The following SAP130 variants were observed in gnomAD, a reference collection of about 807,000 sequenced individuals.
The protein encoded by SAP130 is histone deacetylase complex subunit SAP130.
A neutral mutation model predicts 103.2 loss-of-function variants in SAP130; 16 were observed. That is an observed-to-expected ratio of 0.16 (90% confidence interval 0.10 to 0.24). The LOEUF is 0.24. Among genes scored for constraint, SAP130 ranks in the 10% least tolerant of loss-of-function variants. The pLI is 1.00. For missense variants in SAP130, 990 were observed against 1,359.7 expected (o/e 0.73, Z 4.28); for synonymous variants, 477 against 497.0 (o/e 0.96, Z 0.53).
rs1193117057 is a variant in SAP130, at chr2:127,986,231, C to A, written c.1958+554G>T. ...TAAACTAAAAGAGCACTCTGTAACACATGCCCACTGGGGTTTCAGCTGTAA... is the reference window on the plus strand; with the variant it reads ...TAAACTAAAAGAGCACTCTGTAACAAATGCCCACTGGGGTTTCAGCTGTAA... On this transcript the variant is annotated intron_variant, in intron 14 of 20. Coordinates refer to ENST00000643581, the MANE Select transcript of SAP130 (RefSeq NM_001330301.2). The surrounding 1 kb of genome is among the most constrained non-coding windows in gnomAD (Gnocchi z 4.7). Among the ~76,000 whole-genome samples, 3 of 152,248 alleles carry A rather than the reference C, an allele frequency of 2.0e-5. No homozygotes were observed. Among genetic ancestry groups the A allele is most frequent in the Non-Finnish European group, 2.9e-5 (2 of 68,038 alleles).
At chr2:127,947,302 T>C (rs1002860224) in intron 18 of SAP130, among the ~76,000 whole-genome samples, 2 of 152,216 alleles carry the variant, frequency 1.3e-5, no homozygotes, top group African/African-American at 4.8e-5. Context: ...TACTTTGTTA[T>C]GGCAACCCTA....
chr2:127,942,545 A>G lies in SAP130; in HGVS notation c.2902-8T>C. ...ATCATGTTCTAGATTCGTCTGCAAC[A>G]CACAAAAGGGAGGGTATCATAAGCT... On this transcript the variant is annotated splice_region_variant and splice_polypyrimidine_tract_variant and intron_variant, in intron 19 of 20. Transcript: ENST00000643581. This position sits in a 1 kb window ranked among gnomAD's most constrained non-coding sequence, Gnocchi z 4.8. 6.6e-7 allele frequency: 1 copy of G among 1,509,850 alleles called. No individual in the cohort carries two copies. Among genetic ancestry groups the G allele is most frequent in the Non-Finnish European group, 9.2e-7 (1 of 1,085,064 alleles). The allele number at this position is 1,509,850 out of a possible 1,614,324, so 93.5% of individuals were successfully genotyped here. A position where few individuals can be genotyped will look rare whatever the true frequency, so the allele number is the denominator to read the frequency against.
intron 3 of SAP130, 26 bp downstream of exon 3, chr2:128,017,654 T>G: frequency 1.3e-6 from 2 of 1,579,804 alleles, no homozygotes; most frequent in Non-Finnish European, 1.7e-6. Context: ...TCTGGTTCAG[T>G]GTGAAGTTTT....
rs1351293951 is a variant in SAP130, at chr2:127,985,388, A to G, written c.1958+1397T>C. 3.3e-5 allele frequency among the ~76,000 whole-genome samples: 5 copies of G among 152,294 alleles called. No individual in the cohort carries two copies. In the East Asian group the frequency reaches 7.7e-4, roughly 24 times the overall value. Reference sequence around the variant, plus strand: ...GCATGGACCCTAGTCCCAGCAATTTAAGTTTGCACTTGCTTTAATCTTTTG... The same window carrying G: ...GCATGGACCCTAGTCCCAGCAATTTGAGTTTGCACTTGCTTTAATCTTTTG... On this transcript the variant is annotated intron_variant, in intron 14 of 20. Transcript: ENST00000643581.
At position 127,941,858 on chromosome 2, in the gene SAP130, G is replaced by T; in HGVS notation, c.*148C>A. 6 of 730,220 alleles carry T rather than the reference G, an allele frequency of 8.2e-6. No homozygotes were observed. The highest frequency in any genetic ancestry group is 1.8e-5 in the African/African-American group (1 of 56,628). The allele number at this position is 730,220 out of a possible 1,614,324, so 45.2% of individuals were successfully genotyped here. ...TCAGCTCTGATCCTTTCACGCCCTT[G>T]GATGTCATGGGTTCCTCTGCTTTCA... On this transcript the variant is annotated 3_prime_UTR_variant, in exon 21 of 21. Transcript: ENST00000643581.
chr2:127,945,795 G>A (rs1679035314), intron 18 of SAP130, among the ~76,000 whole-genome samples: 1 of 152,140 alleles, frequency 6.6e-6, no homozygotes, highest in South Asian at 2.1e-4. Flanking sequence ...TGGGACTACA[G>A]GTGTGCGCCA....
rs1024543261 is a variant in SAP130, at chr2:127,989,114, T to C, written c.1780+450A>G. Among the ~76,000 whole-genome samples the C allele has an allele frequency of 1.3e-5, 2 of 151,902 alleles. No individual in the cohort carries two copies. The highest frequency in any genetic ancestry group is 4.8e-5 in the African/African-American group (2 of 41,364). ...ATGTATACTGTATCTTTTTTTTTTT[T>C]TGGAGACAGAGTCTCACTCTGTGGC... On this transcript the variant is annotated intron_variant, in intron 13 of 20. Transcript: ENST00000643581. This position sits in a 1 kb window ranked among gnomAD's most constrained non-coding sequence, Gnocchi z 4.6.
rs370396779 is a variant in SAP130 at position 128,005,699 on chromosome 2, C to T, written c.869+4570G>A. On this transcript the variant is annotated intron_variant, in intron 7 of 20. Transcript: ENST00000643581. ...TCTCGCTCTGTTGCCCAGGCTGGAG[C>T]GCAGTGGCGCGATCTTGGCTCACTG... is the stretch of plus-strand genomic sequence containing the variant. Among the ~76,000 whole-genome samples, 55 of 150,924 alleles carry T rather than the reference C, an allele frequency of 3.6e-4. 1 individual carries two copies. The South Asian group carries it at 6.3e-3, about 17-fold the overall frequency.
intron 2 of SAP130, among the ~76,000 whole-genome samples, chr2:128,025,690 GTAA>G (rs1329500742): frequency 1.3e-5 from 2 of 152,116 alleles, no homozygotes; most frequent in African/African-American, 2.4e-5. Flanking sequence ...ATAGGTATAG[GTAA>G]TATGCAAACA....
At chr2:127,961,305 A>AT (rs70985491) in intron 15 of SAP130, among the ~76,000 whole-genome samples, 106,251 of 142,588 alleles carry the variant, frequency 0.75, 41,222 homozygotes, top group Non-Finnish European at 0.86. Flanking sequence ...TGCCCAGCTA[A>AT]TTTTTTTTTT....
intron 2 of SAP130, among the ~76,000 whole-genome samples, chr2:128,021,025 G>A (rs1685115341): frequency 6.6e-6 from 1 of 152,136 alleles, no homozygotes; most frequent in African/African-American, 2.4e-5. Context: ...TTGTATAGAT[G>A]TACTATAGCT....
At chr2:127,981,129 C>T (rs1011741624) in intron 14 of SAP130, among the ~76,000 whole-genome samples, 3 of 151,968 alleles carry the variant, frequency 2.0e-5, no homozygotes, top group Admixed American at 6.6e-5. Context: ...CACAGCTACC[C>T]GAGGGCAAAA....
At chr2:127,971,053 CA>C (rs1490830433) in intron 15 of SAP130, among the ~76,000 whole-genome samples, 3 of 151,876 alleles carry the variant, frequency 2.0e-5, no homozygotes, top group Non-Finnish European at 4.4e-5. Flanking sequence ...CAGGCTCAAG[CA>C]ATCCTCCCAC....
At chr2:128,025,016 A>AAG (rs1685412569) in intron 2 of SAP130, among the ~76,000 whole-genome samples, 1 of 151,520 alleles carries the variant, frequency 6.6e-6, no homozygotes, top group African/African-American at 2.4e-5. Context: ...AAAAAAAAAA[A>AAG]AAAAAGCCTC....
chr2:128,011,963 C>T (rs2105175203), intron 6 of SAP130, among the ~76,000 whole-genome samples: 1 of 152,270 alleles, frequency 6.6e-6, no homozygotes, highest in South Asian at 2.1e-4. Flanking sequence ...CAGGCACGCA[C>T]CACCATGCCC....
At chr2:127,980,330 T>C (rs1001769155) in intron 14 of SAP130, among the ~76,000 whole-genome samples, 3 of 152,060 alleles carry the variant, frequency 2.0e-5, no homozygotes. Flanking sequence ...AAGAACCTAA[T>C]GCGAAACATC....
At position 128,028,025 on chromosome 2, in the gene SAP130, C is replaced by A. The variant is rs1416041633; in HGVS notation, c.-92G>T. The stretch of plus-strand genomic sequence containing the variant: ...CTGTGGGGCCGACGTCCCCAGGCTC[C>A]GGACCCGCAGCCACCGCCGGGGAGC... On this transcript the variant is annotated 5_prime_UTR_variant, in exon 1 of 21. Transcript: ENST00000643581. 1.0e-6 allele frequency: 1 copy of A among 978,520 alleles called. No homozygotes were observed. Among genetic ancestry groups the A allele is most frequent in the Non-Finnish European group, 1.2e-6 (1 of 823,398 alleles). 60.6% of individuals were successfully genotyped at this position (978,520 alleles called of 1,614,324 possible). A position where few individuals can be genotyped will look rare whatever the true frequency, so the allele number is the denominator to read the frequency against.
rs189430052 is a variant in SAP130, at chr2:128,011,866, G to A, written c.744+1164C>T. On this transcript the variant is annotated intron_variant, in intron 6 of 20. Transcript: ENST00000643581. ...CTCACTCTCTCGTCCCAGCTAGAGT[G>A]CAGTGGCACGATCTTGGCTCACTGC... 3.3e-5 allele frequency among the ~76,000 whole-genome samples: 5 copies of A among 152,284 alleles called. No individual in the cohort carries two copies. In the East Asian group the frequency reaches 9.7e-4, roughly 29 times the overall value.
intron 12 of SAP130, among the ~76,000 whole-genome samples, chr2:127,992,615 C>A (rs2105032633): frequency 6.6e-6 from 1 of 152,254 alleles, no homozygotes; most frequent in Non-Finnish European, 1.5e-5. Flanking sequence ...CCCAGAGTGA[C>A]CTGAGGGTTC....
Sources: gnomAD v4.1 joint callset for allele counts (sites outside exome capture counted in the v4.1 genomes callset) on GRCh38, gnomAD v4.1.1 for gene constraint, Gnocchi (gnomAD v3.1) non-coding constraint, MANE v1.5 for transcripts, NCBI Gene and HGNC (gene_info 2026-07-23, HGNC 2026-07-21) for gene names.